Variants in LRRC7 observed in about 807,000 individuals in gnomAD.
LRRC7 encodes leucine rich repeat containing 7.
LRRC7 carries 23 observed loss-of-function variants against 175.7 expected under a neutral mutation model. The observed-to-expected ratio is 0.13, with a 90% CI of 0.09 to 0.19. The LOEUF (loss-of-function observed/expected upper bound fraction) is 0.19, where lower values mean the gene tolerates loss of function less well. Among genes scored for constraint, LRRC7 ranks in the 10% least tolerant of loss-of-function variants. The pLI, the probability that LRRC7 is intolerant of heterozygous loss-of-function variation, is 1.00. For synonymous variants in LRRC7, 685 were observed against 680.9 expected, an observed-to-expected ratio of 1.01 and a Z score of -0.09; for missense variants, 1,354 against 1,904.7, an observed-to-expected ratio of 0.71 and a Z score of 5.38.
chr1:69,577,034 C>T (rs1645981124), intron 1 of LRRC7, among the ~76,000 whole-genome samples: 1 of 152,074 alleles, frequency 6.6e-6, no homozygotes. Context: ...CTTTTTCTGC[C>T]TCGTCTCGTC....
intron 22 of LRRC7, among the ~76,000 whole-genome samples, chr1:70,051,836 G>A (rs1461736872): frequency 1.3e-5 from 2 of 151,832 alleles, no homozygotes. Context: ...AAATGCTTGT[G>A]GTTAGAATGC....
chr1:69,887,669 G>T (rs868368761), intron 7 of LRRC7, among the ~76,000 whole-genome samples: 3 of 152,154 alleles, frequency 2.0e-5, no homozygotes, highest in Admixed American at 6.5e-5. Flanking sequence ...GAGGAACTGC[G>T]TTCCTTTGGA....
At chr1:70,029,772 C>T (rs1658511808) in intron 18 of LRRC7, among the ~76,000 whole-genome samples, 1 of 152,050 alleles carries the variant, frequency 6.6e-6, no homozygotes. Flanking sequence ...GATAATTTTA[C>T]TATAAAATAA....
In LRRC7 at chr1:69,887,846, C is replaced by G. The variant is rs1282915430; in HGVS notation, c.648-43661C>G. On this transcript the variant is annotated intron_variant, in intron 7 of 26. Transcript: ENST00000651989. ...AGTTTTCCTTCTAACAGACAGGACCCTCAGCTGCAGGTCTGTTGGAATACC... is the reference window on the plus strand; with the variant it reads ...AGTTTTCCTTCTAACAGACAGGACCGTCAGCTGCAGGTCTGTTGGAATACC... 8.1e-3 allele frequency among the ~76,000 whole-genome samples: 1,193 copies of G among 147,208 alleles called. 14 individuals carry two copies. The highest frequency in any genetic ancestry group is 0.03 in the African/African-American group (1,124 of 38,094).
chr1:69,971,006 T>C (rs1652180527), intron 8 of LRRC7, among the ~76,000 whole-genome samples: 1 of 152,176 alleles, frequency 6.6e-6, no homozygotes. Context: ...ATACACCACA[T>C]AAATAGAATA....
chr1:69,963,360 C>T (rs749904277), intron 8 of LRRC7, among the ~76,000 whole-genome samples: 55 of 151,664 alleles, frequency 3.6e-4, no homozygotes, highest in Non-Finnish European at 6.3e-4. Context: ...TTGCAAAGAC[C>T]AGATTGCAAG....
rs1320448876 is a variant in LRRC7 at position 69,888,053 on chromosome 1, G to C, written c.648-43454G>C. Among the ~76,000 whole-genome samples the C allele has an allele frequency of 2.9e-5, 3 of 102,680 alleles. 1 individual carries two copies. In the East Asian group the frequency reaches 1.0e-3, roughly 35 times the overall value. The allele number at this position is 102,680 out of a possible 152,430, so 67.4% of individuals were successfully genotyped here. On this transcript the variant is annotated intron_variant, in intron 7 of 26. Coordinates refer to ENST00000651989, the MANE Select transcript of LRRC7 (RefSeq NM_001370785.2). ...AGACAGGGACATTTAAGTCTGCAGA[G>C]GTTACTGCTGTCTTTTTGTTTGTCT...
At chr1:69,657,713 G>C (rs1656860063) in intron 1 of LRRC7, among the ~76,000 whole-genome samples, 1 of 151,860 alleles carries the variant, frequency 6.6e-6, no homozygotes, top group South Asian at 2.1e-4. Context: ...AAGGAGACTT[G>C]AGGGCTCATG....
At chr1:70,047,998 T>G (rs1660466751) in intron 22 of LRRC7, among the ~76,000 whole-genome samples, 1 of 152,056 alleles carries the variant, frequency 6.6e-6, no homozygotes. Flanking sequence ...CATTCATTTA[T>G]TCATCTATCA....
At position 70,136,532 on chromosome 1, in the gene LRRC7, A is replaced by G. The variant is rs937928059; in HGVS notation, c.*14645A>G. On this transcript the variant is annotated 3_prime_UTR_variant, in exon 27 of 27. Transcript: ENST00000651989. ...TGTTCAAAATTCTATTATAAGAACA[A>G]TGGAAGATATAAATAAGCCATGGTC... 6.6e-6 allele frequency among the ~76,000 whole-genome samples: 1 copy of G among 152,126 alleles called. No individual in the cohort carries two copies. Among genetic ancestry groups the G allele is most frequent in the Non-Finnish European group, 1.5e-5 (1 of 68,026 alleles).
rs12567841 is a variant in LRRC7 at position 69,767,732 on chromosome 1, A to G, written c.303+7339A>G. ...CTGCGTTGGCCTCCCAAAGTGCTGG[A>G]TTTACAGACATGAGCCACCGTGCCT... On this transcript the variant is annotated intron_variant, in intron 3 of 26. Coordinates refer to ENST00000651989, the MANE Select transcript of LRRC7 (RefSeq NM_001370785.2). Among the ~76,000 whole-genome samples, 1,969 of 152,216 alleles carry G rather than the reference A, an allele frequency of 0.013. 83 individuals are homozygous for G. In the East Asian group the frequency reaches 0.18, roughly 14 times the overall value.
chr1:69,747,784 C>T (rs971333091), intron 2 of LRRC7, among the ~76,000 whole-genome samples: 3 of 151,764 alleles, frequency 2.0e-5, no homozygotes, highest in Non-Finnish European at 4.4e-5. Context: ...GATCCCATAT[C>T]ATAGACTAAC....
chr1:69,958,219 G>A (rs1356257330), intron 8 of LRRC7, among the ~76,000 whole-genome samples: 2 of 151,846 alleles, frequency 1.3e-5, no homozygotes, highest in African/African-American at 2.4e-5. Flanking sequence ...ATTTAAAATT[G>A]TTTTTTCCTC....
At chr1:70,054,784 G>T (rs994183847) in intron 23 of LRRC7, among the ~76,000 whole-genome samples, 2 of 151,194 alleles carry the variant, frequency 1.3e-5, no homozygotes, top group African/African-American at 4.9e-5. Flanking sequence ...TAGAGACAGG[G>T]TTTCACCGTG....
At chr1:70,064,641 TGTTG>T (rs1415607779) in intron 23 of LRRC7, among the ~76,000 whole-genome samples, 1 of 138,572 alleles carries the variant, frequency 7.2e-6, no homozygotes, top group African/African-American at 3.3e-5. Flanking sequence ...CTTGGTATTT[TGTTG>T]TTGTTGTTGT....
At chr1:69,762,865 C>T (rs941420684) in intron 3 of LRRC7, among the ~76,000 whole-genome samples, 2 of 151,978 alleles carry the variant, frequency 1.3e-5, no homozygotes, top group South Asian at 4.2e-4. Context: ...ATTTATTATC[C>T]TTTATCATTG....
Position 70,103,449 on chromosome 1 carries a change from G to A in LRRC7, c.4546-4303G>A, listed in dbSNP as rs973953494. On this transcript the variant is annotated intron_variant, in intron 25 of 26. Coordinates refer to ENST00000651989, the MANE Select transcript of LRRC7 (RefSeq NM_001370785.2). ...GTTACAGCAGAAAAATGGTCAGAGA[G>A]GTTCACCATTGGTAGCTTTGAAGAT... Among the ~76,000 whole-genome samples, 15 of 152,186 alleles carry A rather than the reference G, an allele frequency of 9.9e-5. No homozygotes were observed. The East Asian group carries it at 2.9e-3, about 29-fold the overall frequency.
intron 1 of LRRC7, among the ~76,000 whole-genome samples, chr1:69,633,855 A>T (rs1165456000): frequency 1.3e-5 from 2 of 152,084 alleles, no homozygotes; most frequent in African/African-American, 4.8e-5. Flanking sequence ...ATAATTCTTA[A>T]ATAATATTAT....
In LRRC7 at chr1:70,121,887, A is replaced by C; in HGVS notation, c.4728A>C (p.Ter1576TyrextTer14). The C allele has an allele frequency of 6.3e-7, 1 of 1,575,936 alleles. No homozygotes were observed. The highest frequency in any genetic ancestry group is 8.7e-7 in the Non-Finnish European group (1 of 1,147,498). Reference protein sequence around the residue: ...DLVIQRELTV* With the variant: ...DLVIQRELTVY Reference sequence around the variant, plus strand: ...TTATTCAACGTGAGCTTACTGTCTAAATATTTTTTATAAATAGTGAAGATA... The same window carrying C: ...TTATTCAACGTGAGCTTACTGTCTACATATTTTTTATAAATAGTGAAGATA... The change falls in exon 27 of 27, where the codon TAA (stop) becomes TAC (tyrosine). Residue 1576 changes from the stop codon to tyrosine (Y), a stop_lost. Coordinates refer to ENST00000651989, the MANE Select transcript of LRRC7 (RefSeq NM_001370785.2).
Sources: gnomAD v4.1 joint callset for allele counts (sites outside exome capture counted in the v4.1 genomes callset) on GRCh38, gnomAD v4.1.1 for gene constraint, MANE v1.5 for transcripts, NCBI Gene and HGNC (gene_info 2026-07-23, HGNC 2026-07-21) for gene names.